The following TANC2 variants were observed in gnomAD, a reference collection of about 807,000 sequenced individuals.
The protein encoded by TANC2 is protein TANC2.
A neutral mutation model predicts 210.5 loss-of-function variants in TANC2; 26 were observed. The ratio of observed to expected loss-of-function variants is 0.12; its 90% confidence interval spans 0.09 to 0.17. TANC2 has a LOEUF of 0.17. TANC2 is among the 10% of genes least tolerant of loss of function. The probability of loss-of-function intolerance (pLI) is 1.00; values close to 1 mark genes in which losing one functional copy is unlikely to be tolerated. For synonymous variants in TANC2, 931 were observed against 967.1 expected (o/e 0.96, Z 0.69); for missense variants, 2,129 against 2,608.9 (o/e 0.82, Z 4.01).
intron 11 of TANC2, chr17:63,332,518 AT>A: frequency 2.5e-6 from 1 of 392,660 alleles, no homozygotes; most frequent in Non-Finnish European, 5.0e-6. Flanking sequence ...GCCCCACTGG[AT>A]TTAGAAATGC....
chr17:63,125,335 C>T (rs976213923), intron 4 of TANC2: 3 of 152,172 alleles, frequency 2.0e-5, no homozygotes, highest in Non-Finnish European at 4.4e-5. Context: ...ATGATGCTGT[C>T]ACTTAATAGC....
At chr17:63,254,099 A>G (rs7223080) in intron 8 of TANC2, among the ~76,000 whole-genome samples, 11,460 of 152,242 alleles carry the variant, frequency 0.075, 1,362 homozygotes, top group African/African-American at 0.25. Flanking sequence ...TTTTAATAAT[A>G]TTGATTGATT....
intron 3 of TANC2, among the ~76,000 whole-genome samples, chr17:63,079,215 C>T (rs995177578): frequency 6.6e-6 from 1 of 152,166 alleles, no homozygotes; most frequent in African/African-American, 2.4e-5. Flanking sequence ...TATAGAGGCC[C>T]TCCATTCCCA....
intron 4 of TANC2, among the ~76,000 whole-genome samples, chr17:63,134,424 T>G (rs2039021215): frequency 6.6e-6 from 1 of 152,180 alleles, no homozygotes; most frequent in Non-Finnish European, 1.5e-5. Context: ...TGGCATATTA[T>G]TATAATAATT....
intron 4 of TANC2, among the ~76,000 whole-genome samples, chr17:63,105,472 A>G (rs981677197): frequency 6.6e-6 from 1 of 151,732 alleles, no homozygotes; most frequent in Non-Finnish European, 1.5e-5. Flanking sequence ...ATATTTTAGT[A>G]TATTCATGAT....
intron 3 of TANC2, among the ~76,000 whole-genome samples, chr17:63,093,247 T>G (rs1341266017): frequency 6.6e-6 from 1 of 151,992 alleles, no homozygotes; most frequent in African/African-American, 2.4e-5. Context: ...TTATAGTTTT[T>G]TTTTTTAACA....
At chr17:63,144,306 A>C (rs909883695) in intron 4 of TANC2, among the ~76,000 whole-genome samples, 2 of 152,174 alleles carry the variant, frequency 1.3e-5, no homozygotes, top group African/African-American at 4.8e-5. Flanking sequence ...AAAGGTTCAT[A>C]TGAGAGTCCA....
intron 9 of TANC2, chr17:63,313,464 C>T (rs1481744396): frequency 1.3e-5 from 2 of 152,166 alleles, no homozygotes; most frequent in Admixed American, 6.5e-5. Context: ...ATCAATTCTG[C>T]ATTTTTAGAA....
At chr17:63,311,790 G>T (rs1488091971) in intron 9 of TANC2, among the ~76,000 whole-genome samples, 1 of 152,166 alleles carries the variant, frequency 6.6e-6, no homozygotes, top group Non-Finnish European at 1.5e-5. Context: ...ATATTATTCA[G>T]CAATAAAGTA....
chr17:62,994,870 C>T (rs2033033630), intron 1 of TANC2, among the ~76,000 whole-genome samples: 1 of 152,158 alleles, frequency 6.6e-6, no homozygotes, highest in South Asian at 2.1e-4. Context: ...ACATCTTCCT[C>T]TGGAAATATT....
At chr17:63,199,512 G>A (rs1029085263) in intron 6 of TANC2, among the ~76,000 whole-genome samples, 4 of 151,752 alleles carry the variant, frequency 2.6e-5, no homozygotes, top group Non-Finnish European at 4.4e-5. Context: ...CCAGCTACTC[G>A]GAAGGCTGAG....
At chr17:62,995,034 A>G (rs1297430141) in intron 1 of TANC2, among the ~76,000 whole-genome samples, 2 of 152,262 alleles carry the variant, frequency 1.3e-5, no homozygotes, top group Non-Finnish European at 2.9e-5. Context: ...GCAATAAGAA[A>G]ACTGAAGAAG....
At chr17:62,989,800 T>C (rs1415572499) in intron 1 of TANC2, among the ~76,000 whole-genome samples, 1 of 146,670 alleles carries the variant, frequency 6.8e-6, no homozygotes, top group African/African-American at 2.6e-5. Context: ...GAGACAGAGT[T>C]TCACTCTGTC....
At chr17:63,104,345 TC>T (rs1444394364) in intron 4 of TANC2, among the ~76,000 whole-genome samples, 6 of 152,180 alleles carry the variant, frequency 3.9e-5, no homozygotes, top group African/African-American at 1.4e-4. Context: ...TTCATTCAAC[TC>T]TTACGGAATT....
At chr17:63,127,131 G>T (rs995913635) in intron 4 of TANC2, among the ~76,000 whole-genome samples, 4 of 152,082 alleles carry the variant, frequency 2.6e-5, no homozygotes, top group African/African-American at 7.2e-5. Flanking sequence ...TTACCGCTGG[G>T]TATTCTCTGT....
At chr17:63,204,305 T>C (rs2041628428) in intron 7 of TANC2, among the ~76,000 whole-genome samples, 1 of 151,818 alleles carries the variant, frequency 6.6e-6, no homozygotes, top group African/African-American at 2.4e-5. Context: ...AAATTCTACA[T>C]TGAAAACTGC....
Position 63,420,838 on chromosome 17 carries a change from G to A in TANC2, c.5108G>A (p.Ser1703Asn), listed in dbSNP as rs952968706. The A allele has an allele frequency of 1.2e-6, 2 of 1,613,994 alleles. No individual in the cohort carries two copies. Among genetic ancestry groups the A allele is most frequent in the African/African-American group, 2.7e-5 (2 of 75,040 alleles). The change falls in exon 28 of 28, where the codon AGC (serine) becomes AAC (asparagine). Residue 1703 changes from serine (S) to asparagine (N), a missense_variant. Physicochemically the swap from Ser to Asn is conservative, Grantham distance 46. Coordinates refer to ENST00000689528, the Ensembl canonical transcript of TANC2. This position sits in a 1 kb window ranked among gnomAD's most constrained non-coding sequence, Gnocchi z 4.2. ...CAGATTGTGAGAAGTAACCAGCCCA[G>A]CCCAGCCGTCCATTCAAGCACCGTC...
intron 5 of TANC2, among the ~76,000 whole-genome samples, chr17:63,161,590 G>A (rs982296187): frequency 4.6e-5 from 7 of 150,562 alleles, no homozygotes; most frequent in Admixed American, 1.3e-4. Flanking sequence ...CCTAATTCTC[G>A]GGCATCATTT....
chr17:63,424,854 T>A (rs148439715), exon 28 of TANC2: 1 of 152,140 alleles, frequency 6.6e-6, no homozygotes, highest in East Asian at 1.9e-4. Context: ...ATCACAACAT[T>A]TATAGCACAA....
Sources: allele counts gnomAD v4.1 joint callset (sites outside exome capture counted in the v4.1 genomes callset), GRCh38; gene constraint gnomAD v4.1.1; non-coding constraint Gnocchi (gnomAD v3.1); transcripts MANE v1.5; gene names NCBI Gene and HGNC (gene_info 2026-07-23, HGNC 2026-07-21).